DYNC1H1: variants seen among roughly 807,000 people sequenced by gnomAD.
The protein encoded by DYNC1H1 is dynein cytoplasmic 1 heavy chain 1.
In DYNC1H1, 51 loss-of-function variants were observed where a neutral mutation model predicts 527.1. That is an observed-to-expected ratio of 0.10 (90% CI 0.08 to 0.12). The LOEUF is 0.12. Ranked by LOEUF, DYNC1H1 falls within the 10% of genes least tolerant of loss-of-function variation. The pLI, the probability that DYNC1H1 is intolerant of heterozygous loss-of-function variation, is 1.00. For missense variants in DYNC1H1, 2,771 were observed against 5,971.8 expected (o/e 0.46, Z 17.66); for synonymous variants, 2,189 against 2,278.8 (o/e 0.96, Z 1.12).
At chr14:101,994,114 G>T (rs931662472) in intron 11 of DYNC1H1, 70 bp from the exon 12 acceptor site, 2 of 1,609,790 alleles carry the variant, frequency 1.2e-6, no homozygotes, top group Non-Finnish European at 1.7e-6. Flanking sequence ...TTTTAATTAA[G>T]TAAAAGGTGA....
rs1595618135 is a variant in DYNC1H1 at position 102,017,646 on chromosome 14, G to A, written c.8177+142G>A. The A allele has an allele frequency of 6.2e-6, 9 of 1,445,604 alleles. No homozygotes were observed. In the East Asian group the frequency reaches 2.1e-4, roughly 33 times the overall value. The allele number at this position is 1,445,604 out of a possible 1,614,324, so 89.5% of individuals were successfully genotyped here. On this transcript the variant is annotated intron_variant, in intron 40 of 77. Transcript: ENST00000360184. This position sits in a 1 kb window ranked among gnomAD's most constrained non-coding sequence, Gnocchi z 4.6. The stretch of plus-strand genomic sequence containing the variant: ...GATTCCTCTTGGGTTACTTCTCTGT[G>A]CTGTAATGCCAGGAAAACATGTTAA...
chr14:102,031,103 T>C (rs2048505678), intron 51 of DYNC1H1, among the ~76,000 whole-genome samples: 1 of 152,264 alleles, frequency 6.6e-6, no homozygotes, highest in Admixed American at 6.5e-5. Context: ...TCAACCTATA[T>C]ATTTTCATTC....
chr14:102,005,128 C>T lies in DYNC1H1; in HGVS notation c.5325C>T (p.Ala1775=), dbSNP rs767537085. ...ALSSMGGGGD[A]APLHSVLSNV... ...GCAGCATGGGCGGAGGTGGAGATGC[C>T]GCGCCCTTGCACTCTGTGCTGAGCA... is the stretch of plus-strand genomic sequence containing the variant. Residue 1775 remains alanine (A), a synonymous_variant, in exon 26 of 78, where the codon GCC becomes GCT. Coordinates refer to ENST00000360184, the MANE Select transcript of DYNC1H1 (RefSeq NM_001376.5). This position sits in a 1 kb window ranked among gnomAD's most constrained non-coding sequence, Gnocchi z 4.0. 16 of 1,614,158 alleles carry T rather than the reference C, an allele frequency of 9.9e-6. No individual in the cohort carries two copies. The highest frequency in any genetic ancestry group is 1.7e-5 in the Admixed American group (1 of 60,014).
At position 102,036,776 on chromosome 14, in the gene DYNC1H1, T is replaced by TA. The variant is rs1363746026; in HGVS notation, c.10908+135dup. Reference sequence around the variant, plus strand: ...ATAAAGCTTTGCGGTGGTTCTGTAATAGATAAATTCAACAGAATCATTATT... The same window carrying TA: ...ATAAAGCTTTGCGGTGGTTCTGTAATAAGATAAATTCAACAGAATCATTATT... On this transcript the variant is annotated intron_variant, in intron 57 of 77. Transcript: ENST00000360184. This position sits in a 1 kb window ranked among gnomAD's most constrained non-coding sequence, Gnocchi z 5.6. 1 of 1,196,482 alleles carries TA rather than the reference T, an allele frequency of 8.4e-7. No homozygotes were observed. The highest frequency in any genetic ancestry group is 1.5e-5 in the African/African-American group (1 of 66,400). 74.1% of individuals were successfully genotyped at this position (1,196,482 alleles called of 1,614,324 possible). A position where few individuals can be genotyped will look rare whatever the true frequency, so the allele number is the denominator to read the frequency against.
intron 1 of DYNC1H1, among the ~76,000 whole-genome samples, chr14:101,966,682 T>C (rs899576520): frequency 1.3e-5 from 2 of 152,238 alleles, no homozygotes; most frequent in Non-Finnish European, 1.5e-5. Flanking sequence ...ATAGTTTATG[T>C]ATTAGAATCA....
chr14:102,043,312 A>G (rs949076417), intron 69 of DYNC1H1: 4 of 213,660 alleles, frequency 1.9e-5, no homozygotes, highest in Non-Finnish European at 3.7e-5. Flanking sequence ...ACCTGTCTGG[A>G]CAACATAGTG....
chr14:101,974,111 T>G (rs960386856), intron 1 of DYNC1H1, among the ~76,000 whole-genome samples: 1 of 152,196 alleles, frequency 6.6e-6, no homozygotes, highest in African/African-American at 2.4e-5. Context: ...TTTATTTATT[T>G]TTTTTGAGAT....
chr14:102,030,367 C>T, intron 51 of DYNC1H1, 85 bp downstream of exon 51: 1 of 1,596,540 alleles, frequency 6.3e-7, no homozygotes, highest in Non-Finnish European at 8.6e-7. Flanking sequence ...CTGAACATTG[C>T]ACATATGCTT....
chr14:102,020,624 C>A lies in DYNC1H1; in HGVS notation c.8507+568C>A, dbSNP rs1374905718. 6.6e-6 allele frequency among the ~76,000 whole-genome samples: 1 copy of A among 152,106 alleles called. No individual in the cohort carries two copies. The highest frequency in any genetic ancestry group is 1.5e-5 in the Non-Finnish European group (1 of 68,042). ...GTTGCCCACTTGGATCAATTCTTGT[C>A]TTGTAAGTTTTGAGTTTTTCTAGTT... On this transcript the variant is annotated intron_variant, in intron 42 of 77. Transcript: ENST00000360184. This position sits in a 1 kb window ranked among gnomAD's most constrained non-coding sequence, Gnocchi z 4.3.
chr14:102,046,586 A>G (rs1253123455), intron 72 of DYNC1H1, among the ~76,000 whole-genome samples: 1 of 152,308 alleles, frequency 6.6e-6, no homozygotes, highest in East Asian at 1.9e-4. Context: ...TCCCAGCCAC[A>G]TGGTGGCAGT....
Position 102,017,033 on chromosome 14 carries a change from T to A in DYNC1H1, c.7848+34T>A. ...GCCAGGAGGTGGGCAGCAGACCTTT[T>A]GGTGCTGAGCATGGGGTTGGTCTTA... On this transcript the variant is annotated intron_variant, in intron 38 of 77. Coordinates refer to ENST00000360184, the MANE Select transcript of DYNC1H1 (RefSeq NM_001376.5). This position sits in a 1 kb window ranked among gnomAD's most constrained non-coding sequence, Gnocchi z 4.6. 1 of 1,614,230 alleles carries A rather than the reference T, an allele frequency of 6.2e-7. No individual in the cohort carries two copies. The highest frequency in any genetic ancestry group is 8.5e-7 in the Non-Finnish European group (1 of 1,180,032).
intron 72 of DYNC1H1, among the ~76,000 whole-genome samples, chr14:102,046,392 G>A (rs1453989428): frequency 6.6e-6 from 1 of 152,192 alleles, no homozygotes; most frequent in Non-Finnish European, 1.5e-5. Flanking sequence ...CTCACAGCTG[G>A]TTAACAGGAC....
Position 102,017,357 on chromosome 14 carries a change from A to AC in DYNC1H1, c.8056-26_8056-25insC. ...TGTTTCTTGTTCAAGTTTTGCTCTT[A>AC]ATGTGGTACCTGTCCCTTCCTTCAG... On this transcript the variant is annotated intron_variant, in intron 39 of 77. Transcript: ENST00000360184. This position sits in a 1 kb window ranked among gnomAD's most constrained non-coding sequence, Gnocchi z 4.6. 6.2e-7 allele frequency: 1 copy of AC among 1,614,170 alleles called. No homozygotes were observed. The highest frequency in any genetic ancestry group is 8.5e-7 in the Non-Finnish European group (1 of 1,180,030).
At chr14:101,990,736 C>T (rs1467448995) in intron 10 of DYNC1H1, among the ~76,000 whole-genome samples, 1 of 151,860 alleles carries the variant, frequency 6.6e-6, no homozygotes, top group Admixed American at 6.6e-5. Context: ...TTAGGCCGGG[C>T]GCGGTGGCTC....
chr14:101,980,777 A>G (rs1471744981), intron 5 of DYNC1H1, among the ~76,000 whole-genome samples: 1 of 152,200 alleles, frequency 6.6e-6, no homozygotes, highest in African/African-American at 2.4e-5. Flanking sequence ...AGAACATGAA[A>G]CAGTCTCTAG....
intron 42 of DYNC1H1, among the ~76,000 whole-genome samples, chr14:102,021,771 G>A (rs1595620290): frequency 7.0e-6 from 1 of 143,784 alleles, no homozygotes; most frequent in Non-Finnish European, 1.5e-5. Flanking sequence ...AGCAATTCTT[G>A]TGCCCCAGCC....
rs2048272310 is a variant in DYNC1H1, at chr14:102,012,796, T to C, written c.7014+326T>C. The C allele has an allele frequency of 2.6e-6, 1 of 382,864 alleles. No homozygotes were observed. The highest frequency in any genetic ancestry group is 2.1e-5 in the African/African-American group (1 of 47,976). The allele number at this position is 382,864 out of a possible 1,614,324, so 23.7% of individuals were successfully genotyped here. On this transcript the variant is annotated intron_variant, in intron 34 of 77. Transcript: ENST00000360184. The surrounding 1 kb of genome is among the most constrained non-coding windows in gnomAD (Gnocchi z 4.9). ...TTATACATCTAGAGAGCTGGGAAAA[T>C]GAGAAATTTGGAATGGGGCTTTCTA...
intron 42 of DYNC1H1, among the ~76,000 whole-genome samples, chr14:102,022,487 CAG>C (rs1397834648): frequency 7.0e-6 from 1 of 143,758 alleles, no homozygotes; most frequent in Non-Finnish European, 1.5e-5. Flanking sequence ...GCCTTGGCGA[CAG>C]AGAGAGACTC....
chr14:102,029,143 C>A lies in DYNC1H1; in HGVS notation c.9469-396C>A. 1 of 286,476 alleles carries A rather than the reference C, an allele frequency of 3.5e-6. No homozygotes were observed. Among genetic ancestry groups the A allele is most frequent in the Non-Finnish European group, 6.8e-6 (1 of 147,968 alleles). 17.7% of individuals were successfully genotyped at this position (286,476 alleles called of 1,614,324 possible). ...TTCCCCTGGTAGTCTGATCATCTTG[C>A]TGTGCTTCAGAAATCAAGGGACCAG... On this transcript the variant is annotated intron_variant, in intron 48 of 77. Transcript: ENST00000360184. The surrounding 1 kb of genome is among the most constrained non-coding windows in gnomAD (Gnocchi z 5.3).
Sources: gnomAD v4.1 joint callset for allele counts (sites outside exome capture counted in the v4.1 genomes callset) on GRCh38, gnomAD v4.1.1 for gene constraint, Gnocchi (gnomAD v3.1) non-coding constraint, MANE v1.5 for transcripts, NCBI Gene and HGNC (gene_info 2026-07-23, HGNC 2026-07-21) for gene names.